HECW1: variants seen among roughly 807,000 people sequenced by gnomAD.
The protein encoded by HECW1 is E3 ubiquitin-protein ligase HECW1.
HECW1 carries 61 observed loss-of-function variants against 182.3 expected under a neutral mutation model. The ratio of observed to expected loss-of-function variants is 0.33; its 90% confidence interval spans 0.27 to 0.41. HECW1 has a LOEUF of 0.41. Ranked by LOEUF, HECW1 falls within the 10% of genes least tolerant of loss-of-function variation. The probability of loss-of-function intolerance (pLI) is 1.00; values close to 1 mark genes in which losing one functional copy is unlikely to be tolerated. For missense variants in HECW1, 1,739 were observed against 2,108.9 expected (o/e 0.82, Z 3.44); for synonymous variants, 859 against 832.6 (o/e 1.03, Z -0.55).
At chr7:43,315,665 T>C (rs1460827724) in intron 4 of HECW1, among the ~76,000 whole-genome samples, 1 of 152,050 alleles carries the variant, frequency 6.6e-6, no homozygotes, top group African/African-American at 2.4e-5. Flanking sequence ...GGCTAATTTT[T>C]CTATTTTTAG....
rs757678980 is a variant in HECW1 at position 43,432,578 on chromosome 7, C to T, written c.802-5425C>T. On this transcript the variant is annotated intron_variant, in intron 8 of 29. Coordinates refer to ENST00000395891, the MANE Select transcript of HECW1 (RefSeq NM_015052.5). The surrounding 1 kb of genome is among the most constrained non-coding windows in gnomAD (Gnocchi z 4.1). ...CATTTTCTGCCTGCAGTGTAAGACT[C>T]TGAGGTCTAAAGTTGGAGGCTGTGG... 1.7e-4 allele frequency among the ~76,000 whole-genome samples: 26 copies of T among 152,304 alleles called. No homozygotes were observed. In the Middle Eastern group the frequency reaches 0.01, roughly 60 times the overall value.
intron 3 of HECW1, 143 bp from the exon 4 acceptor site, chr7:43,311,620 C>T: frequency 1.2e-6 from 1 of 814,904 alleles, no homozygotes; most frequent in Non-Finnish European, 2.2e-6. Flanking sequence ...GAGGAAGATG[C>T]TCTATGCCAT....
chr7:43,407,302 T>C (rs1018180300), intron 7 of HECW1, among the ~76,000 whole-genome samples: 1 of 152,082 alleles, frequency 6.6e-6, no homozygotes, highest in African/African-American at 2.4e-5. Context: ...ACAACCCCTA[T>C]TTTTTTAATG....
At chr7:43,247,929 A>C (rs1799576228) in intron 3 of HECW1, among the ~76,000 whole-genome samples, 1 of 115,160 alleles carries the variant, frequency 8.7e-6, no homozygotes, top group African/African-American at 5.2e-5. Flanking sequence ...GGGAAAGAGG[A>C]AAAAAGAGAG....
chr7:43,188,989 A>G (rs774348275), intron 2 of HECW1, among the ~76,000 whole-genome samples: 1 of 152,196 alleles, frequency 6.6e-6, no homozygotes, highest in East Asian at 1.9e-4. Context: ...TCCCTCTGCA[A>G]TACATCCTGA....
chr7:43,462,076 C>T (rs778531440), intron 13 of HECW1, among the ~76,000 whole-genome samples: 7 of 152,234 alleles, frequency 4.6e-5, no homozygotes, highest in Non-Finnish European at 7.3e-5. Flanking sequence ...GGGCACTGGT[C>T]TGCAGAAATC....
At chr7:43,124,942 G>A (rs1562570396) in intron 2 of HECW1, among the ~76,000 whole-genome samples, 1 of 152,098 alleles carries the variant, frequency 6.6e-6, no homozygotes, top group Non-Finnish European at 1.5e-5. Flanking sequence ...TTTTCAAGAT[G>A]CCTTAGTTTG....
At chr7:43,154,952 C>T (rs1203636039) in intron 2 of HECW1, among the ~76,000 whole-genome samples, 1 of 152,204 alleles carries the variant, frequency 6.6e-6, no homozygotes, top group East Asian at 1.9e-4. Flanking sequence ...TTCATCTACC[C>T]AGGTGCTCCT....
intron 17 of HECW1, among the ~76,000 whole-genome samples, chr7:43,488,324 G>GAGGAAGGAAGGAAGGAAGGA (rs200213322): frequency 4.7e-5 from 2 of 42,232 alleles, no homozygotes; most frequent in Non-Finnish European, 8.6e-5. Context: ...AAGAAAGAAA[G>GAGGAAGGAAGGAAGGAAGGA]AGGAAGGAAG....
At chr7:43,472,870 C>T (rs1758278381) in intron 16 of HECW1, among the ~76,000 whole-genome samples, 1 of 152,134 alleles carries the variant, frequency 6.6e-6, no homozygotes, top group African/African-American at 2.4e-5. Flanking sequence ...TCCACAGACA[C>T]AAAAACAACC....
intron 6 of HECW1, among the ~76,000 whole-genome samples, chr7:43,390,392 T>A (rs1562923868): frequency 6.6e-6 from 1 of 151,952 alleles, no homozygotes; most frequent in Non-Finnish European, 1.5e-5. Flanking sequence ...ATTTTTTTAA[T>A]TTGCCAGGCA....
intron 5 of HECW1, among the ~76,000 whole-genome samples, chr7:43,355,307 T>A (rs910634083): frequency 6.6e-6 from 1 of 152,218 alleles, no homozygotes; most frequent in Non-Finnish European, 1.5e-5. Flanking sequence ...AATTGTGGTG[T>A]GCAATCTATT....
At chr7:43,270,519 AG>A (rs1802278600) in intron 3 of HECW1, among the ~76,000 whole-genome samples, 10 of 152,220 alleles carry the variant, frequency 6.6e-5, no homozygotes, top group Admixed American at 6.5e-4. Flanking sequence ...TAGCCTGAGA[AG>A]TCACACATTG....
intron 3 of HECW1, among the ~76,000 whole-genome samples, chr7:43,279,894 C>A (rs1803669884): frequency 6.6e-6 from 1 of 152,188 alleles, no homozygotes; most frequent in Admixed American, 6.5e-5. Flanking sequence ...GCTCAGTGGG[C>A]CTTTCCCCTT....
intron 2 of HECW1, among the ~76,000 whole-genome samples, chr7:43,197,180 G>A (rs1794536291): frequency 6.6e-6 from 1 of 151,916 alleles, no homozygotes; most frequent in African/African-American, 2.4e-5. Flanking sequence ...TTTGTTCTGT[G>A]TACACTCAAG....
intron 3 of HECW1, among the ~76,000 whole-genome samples, chr7:43,249,758 G>A (rs1799829217): frequency 6.6e-6 from 1 of 152,194 alleles, no homozygotes; most frequent in African/African-American, 2.4e-5. Context: ...AGGAGTACCA[G>A]CTTTATATGC....
intron 6 of HECW1, among the ~76,000 whole-genome samples, chr7:43,368,975 A>G (rs1444966052): frequency 6.6e-6 from 1 of 152,182 alleles, no homozygotes; most frequent in Non-Finnish European, 1.5e-5. Context: ...AATCCTTTCT[A>G]TGTTTGTAAG....
intron 6 of HECW1, among the ~76,000 whole-genome samples, chr7:43,393,872 T>C (rs2075131564): frequency 1.3e-5 from 2 of 152,340 alleles, no homozygotes; most frequent in Non-Finnish European, 1.5e-5. Context: ...TAGCATGAAA[T>C]ACGCCATTTA....
At chr7:43,529,550 A>C (rs1217300444) in intron 24 of HECW1, among the ~76,000 whole-genome samples, 2 of 152,198 alleles carry the variant, frequency 1.3e-5, no homozygotes, top group Non-Finnish European at 2.9e-5. Context: ...TGACTGTCCC[A>C]AAAGCCTCCA....
Sources: gnomAD v4.1 joint callset for allele counts (sites outside exome capture counted in the v4.1 genomes callset) on GRCh38, gnomAD v4.1.1 for gene constraint, Gnocchi (gnomAD v3.1) non-coding constraint, MANE v1.5 for transcripts, NCBI Gene and HGNC (gene_info 2026-07-23, HGNC 2026-07-21) for gene names.